The following ZNF385D variants were observed in gnomAD, a reference collection of about 807,000 sequenced individuals.
ZNF385D encodes the protein zinc finger protein 385D.
Under a neutral mutation model 35.8 loss-of-function variants are expected in ZNF385D, and 15 were observed. The ratio of observed to expected loss-of-function variants is 0.42; its 90% confidence interval spans 0.28 to 0.64. The LOEUF (loss-of-function observed/expected upper bound fraction) is 0.64, where lower values mean the gene tolerates loss of function less well. Among genes scored for constraint, ZNF385D ranks in the 30% least tolerant of loss-of-function variants. The pLI is 0.23. For missense variants in ZNF385D, 474 were observed against 494.6 expected (o/e 0.96, Z 0.39); for synonymous variants, 212 against 186.8 (o/e 1.13, Z -1.10).
chr3:21,981,364 TC>T (rs1418253210), intron 3 of ZNF385D, among the ~76,000 whole-genome samples: 1 of 151,984 alleles, frequency 6.6e-6, no homozygotes, highest in East Asian at 1.9e-4. Context: ...TGCCTGCATG[TC>T]TTCTTTTGAG....
intron 2 of ZNF385D, among the ~76,000 whole-genome samples, chr3:22,308,511 C>G (rs568253176): frequency 6.6e-5 from 10 of 151,752 alleles, no homozygotes; most frequent in South Asian, 6.2e-4. Context: ...TAAGTGATTC[C>G]CAGGGAATGA....
chr3:21,928,483 A>G (rs1700855036), intron 3 of ZNF385D, among the ~76,000 whole-genome samples: 1 of 152,158 alleles, frequency 6.6e-6, no homozygotes. Flanking sequence ...CTGGACTTAA[A>G]TGACATCTAT....
intron 3 of ZNF385D, among the ~76,000 whole-genome samples, chr3:21,932,587 C>A (rs1701067716): frequency 6.6e-6 from 1 of 151,722 alleles, no homozygotes; most frequent in Non-Finnish European, 1.5e-5. Context: ...CGTGGGGAGA[C>A]AAAAGCTTTA....
At chr3:22,351,863 G>C (rs187376544) in intron 2 of ZNF385D, among the ~76,000 whole-genome samples, 1 of 152,228 alleles carries the variant, frequency 6.6e-6, no homozygotes, top group East Asian at 1.9e-4. Flanking sequence ...AGAGATTTAA[G>C]CTAGTTTTCC....
chr3:22,039,295 C>A (rs1037908235), intron 3 of ZNF385D, among the ~76,000 whole-genome samples: 1 of 149,918 alleles, frequency 6.7e-6, no homozygotes, highest in Non-Finnish European at 1.5e-5. Flanking sequence ...TAAGCAGGCT[C>A]ATTGTTAGGG....
intron 3 of ZNF385D, among the ~76,000 whole-genome samples, chr3:22,144,899 A>T (rs904831251): frequency 6.6e-6 from 1 of 152,186 alleles, no homozygotes; most frequent in Non-Finnish European, 1.5e-5. Context: ...TGGTTAAATA[A>T]GTTTGCTTGA....
chr3:22,031,286 C>T (rs1204325936), intron 3 of ZNF385D, among the ~76,000 whole-genome samples: 1 of 152,240 alleles, frequency 6.6e-6, no homozygotes, highest in Non-Finnish European at 1.5e-5. Flanking sequence ...GCCCACATTT[C>T]CCTTGCATAT....
In ZNF385D at chr3:21,413,744, C is replaced by T. The variant is rs576345078; in HGVS notation, c.*7470G>A. 6.6e-6 allele frequency: 1 copy of T among 152,154 alleles called. No individual in the cohort carries two copies. The highest frequency in any genetic ancestry group is 2.1e-4 in the South Asian group (1 of 4,832). The allele number at this position is 152,154 out of a possible 1,614,324, so 9.4% of individuals were successfully genotyped here. A position where few individuals can be genotyped will look rare whatever the true frequency, so the allele number is the denominator to read the frequency against. On this transcript the variant is annotated 3_prime_UTR_variant, in exon 8 of 8. Transcript: ENST00000281523. The stretch of plus-strand genomic sequence containing the variant: ...GTCTATTTTTAATTTCAAAATAGTG[C>T]TCATGTTTGTGAACATTAATGCCAA...
chr3:22,000,464 A>G (rs6550650), intron 3 of ZNF385D, among the ~76,000 whole-genome samples: 99,232 of 152,054 alleles, frequency 0.65, 33,632 homozygotes, highest in African/African-American at 0.81. Flanking sequence ...GGAGGCATGA[A>G]TAATCCGCCC....
chr3:21,793,129 C>A (rs2071997824), intron 3 of ZNF385D, among the ~76,000 whole-genome samples: 1 of 152,106 alleles, frequency 6.6e-6, no homozygotes, highest in African/African-American at 2.4e-5. Flanking sequence ...ATATAGAATT[C>A]AATGCCAATG....
intron 1 of ZNF385D, among the ~76,000 whole-genome samples, chr3:21,750,211 C>G (rs1004779335): frequency 1.3e-5 from 2 of 152,216 alleles, no homozygotes; most frequent in East Asian, 3.8e-4. Context: ...ACTGATAGCT[C>G]GGATCCAAGC....
At chr3:21,723,481 A>C (rs1376277618) in intron 1 of ZNF385D, among the ~76,000 whole-genome samples, 1 of 152,226 alleles carries the variant, frequency 6.6e-6, no homozygotes, top group Non-Finnish European at 1.5e-5. Context: ...GCAGAAAAAC[A>C]CAGCATGAGA....
At chr3:21,708,861 G>GCA (rs34469159) in intron 1 of ZNF385D, among the ~76,000 whole-genome samples, 24,345 of 148,186 alleles carry the variant, frequency 0.16, 2,059 homozygotes, top group Middle Eastern at 0.21. Flanking sequence ...GTGTGGGCGT[G>GCA]CACACACACA....
chr3:22,167,383 G>C (rs538353073), intron 3 of ZNF385D, among the ~76,000 whole-genome samples: 2 of 152,288 alleles, frequency 1.3e-5, no homozygotes, highest in East Asian at 3.9e-4. Flanking sequence ...TACTGGGGGA[G>C]AAACTACCCA....
intron 1 of ZNF385D, among the ~76,000 whole-genome samples, chr3:21,696,668 A>G (rs1052965672): frequency 3.9e-5 from 6 of 152,222 alleles, no homozygotes; most frequent in African/African-American, 1.2e-4. Flanking sequence ...TCTTTAAAAA[A>G]TTGATCATTG....
chr3:21,495,226 A>AT lies in ZNF385D; in HGVS notation c.439+15634dup, dbSNP rs780804495. 8.5e-3 allele frequency among the ~76,000 whole-genome samples: 1,247 copies of AT among 147,038 alleles called. 11 individuals are homozygous for AT. Among genetic ancestry groups the AT allele is most frequent in the African/African-American group, 0.023 (918 of 40,402 alleles). On this transcript the variant is annotated intron_variant, in intron 4 of 7. Transcript: ENST00000281523. ...CCTATTTCAGTGAAGGGTAAGAATG[A>AT]TTTTTTTTTTTTCCCACAAACTCTT...
At chr3:21,668,985 A>G (rs1411175471) in intron 1 of ZNF385D, among the ~76,000 whole-genome samples, 1 of 152,186 alleles carries the variant, frequency 6.6e-6, no homozygotes, top group Non-Finnish European at 1.5e-5. Context: ...CTTAATGTTT[A>G]CCAACAATGT....
intron 2 of ZNF385D, among the ~76,000 whole-genome samples, chr3:22,236,376 G>A (rs1194253752): frequency 3.9e-5 from 6 of 152,034 alleles, no homozygotes; most frequent in African/African-American, 1.4e-4. Flanking sequence ...CTGTCATCCA[G>A]GCTAGAGAAG....
At chr3:22,216,793 C>G (rs190622054) in intron 2 of ZNF385D, among the ~76,000 whole-genome samples, 5 of 152,006 alleles carry the variant, frequency 3.3e-5, no homozygotes, top group Non-Finnish European at 7.4e-5. Flanking sequence ...ACAGAGGTCT[C>G]GTCAATGAAA....
Sources: allele counts gnomAD v4.1 joint callset (sites outside exome capture counted in the v4.1 genomes callset), GRCh38; gene constraint gnomAD v4.1.1; transcripts MANE v1.5; gene names NCBI Gene and HGNC (gene_info 2026-07-23, HGNC 2026-07-21).